Variants in KIAA1549L observed in about 807,000 individuals in gnomAD.
KIAA1549L encodes UPF0606 protein KIAA1549L.
KIAA1549L carries 88 observed loss-of-function variants against 160.7 expected under a neutral mutation model. The observed-to-expected ratio is 0.55, with a 90% CI of 0.46 to 0.65. The LOEUF is 0.65. Among genes scored for constraint, KIAA1549L ranks in the 30% least tolerant of loss-of-function variants. The pLI is 0.00. For missense variants in KIAA1549L, 2,258 were observed against 2,437.5 expected (o/e 0.93, Z 1.55); for synonymous variants, 950 against 976.7 (o/e 0.97, Z 0.51).
At chr11:33,398,597 C>T (rs1850433521) in intron 1 of KIAA1549L, among the ~76,000 whole-genome samples, 1 of 152,220 alleles carries the variant, frequency 6.6e-6, no homozygotes, top group Admixed American at 6.5e-5. Flanking sequence ...AGTCCTTCCC[C>T]ATGGATAGAG....
intron 1 of KIAA1549L, among the ~76,000 whole-genome samples, chr11:33,528,792 A>G (rs536567896): frequency 6.6e-6 from 1 of 152,302 alleles, no homozygotes; most frequent in South Asian, 2.1e-4. Context: ...GCAAAGGCAG[A>G]AGAATGATAT....
chr11:33,391,540 T>A (rs937528673), intron 1 of KIAA1549L, among the ~76,000 whole-genome samples: 1 of 152,260 alleles, frequency 6.6e-6, no homozygotes, highest in East Asian at 1.9e-4. Context: ...GCGTGTCTGG[T>A]GCTTTAACAG....
intron 1 of KIAA1549L, among the ~76,000 whole-genome samples, chr11:33,518,186 T>A (rs182947173): frequency 1.4e-5 from 2 of 145,150 alleles, no homozygotes; most frequent in Non-Finnish European, 3.0e-5. Flanking sequence ...AAGGGAAAAT[T>A]TTTTTCTTGG....
chr11:33,474,778 C>T (rs376989587), intron 1 of KIAA1549L, among the ~76,000 whole-genome samples: 12 of 152,334 alleles, frequency 7.9e-5, no homozygotes, highest in Middle Eastern at 3.4e-3. Flanking sequence ...ACCTGCCAAA[C>T]GAAATGGCTG....
At chr11:33,642,336 CG>C (rs1851608802) in intron 16 of KIAA1549L, among the ~76,000 whole-genome samples, 1 of 152,128 alleles carries the variant, frequency 6.6e-6, no homozygotes, top group African/African-American at 2.4e-5. Context: ...AATAAAGTTA[CG>C]GTGCTGCAAA....
At chr11:33,485,043 C>T (rs947123375) in intron 1 of KIAA1549L, among the ~76,000 whole-genome samples, 1 of 152,144 alleles carries the variant, frequency 6.6e-6, no homozygotes, top group Non-Finnish European at 1.5e-5. Context: ...TGCACACTGG[C>T]CAGGGGTAGA....
intron 1 of KIAA1549L, among the ~76,000 whole-genome samples, chr11:33,471,633 A>G (rs550864324): frequency 6.6e-6 from 1 of 152,320 alleles, no homozygotes; most frequent in South Asian, 2.1e-4. Flanking sequence ...CAGAGCCTTT[A>G]CCCAACAGTG....
intron 10 of KIAA1549L, 35 bp from the exon 11 acceptor site, chr11:33,583,303 C>T: frequency 6.4e-7 from 1 of 1,567,696 alleles, no homozygotes. Flanking sequence ...CCCAGTGTTG[C>T]TTGTCATGTC....
At chr11:33,514,465 TAGG>T (rs1290727598) in intron 1 of KIAA1549L, among the ~76,000 whole-genome samples, 2 of 152,192 alleles carry the variant, frequency 1.3e-5, no homozygotes, top group African/African-American at 4.8e-5. Flanking sequence ...TGTGCCAGAT[TAGG>T]AGGACTTCAT....
At chr11:33,617,446 T>C (rs10836082) in intron 15 of KIAA1549L, among the ~76,000 whole-genome samples, 41,790 of 152,052 alleles carry the variant, frequency 0.27, 6,056 homozygotes, top group Middle Eastern at 0.39. Context: ...TTTTTAGCAG[T>C]AGCTGAGTGG....
intron 1 of KIAA1549L, among the ~76,000 whole-genome samples, chr11:33,450,258 C>T (rs7131170): frequency 0.21 from 31,924 of 151,968 alleles, 3,858 homozygotes; most frequent in Middle Eastern, 0.31. Flanking sequence ...CAATCAAAGA[C>T]GTATCCGTAG....
rs928688507 is a variant in KIAA1549L, at chr11:33,543,704, C to T, written c.2141C>T (p.Ser714Phe). Reference sequence around the variant, plus strand: ...TCTCTTTCCACAGAATCAATAATATCTGGCTTGCAGCAGCAAACAAATTAT... The same window carrying T: ...TCTCTTTCCACAGAATCAATAATATTTGGCTTGCAGCAGCAAACAAATTAT... ...TGSLSTESII[S>F]GLQQQTNYDL... The change falls in exon 2 of 21, where the codon TCT (serine) becomes TTT (phenylalanine). Residue 714 changes from serine to phenylalanine, a missense_variant. Physicochemically the swap from Ser to Phe is radical, Grantham distance 155 (BLOSUM62 -2). Around this residue, in one of 6 missense-constraint regions of KIAA1549L, gnomAD observed 287 missense variants for 292.3 expected, o/e 0.98. Coordinates refer to ENST00000658780, the MANE Select transcript of KIAA1549L (RefSeq NM_012194.3). 2 of 1,614,010 alleles carry T rather than the reference C, an allele frequency of 1.2e-6. No homozygotes were observed. The highest frequency in any genetic ancestry group is 1.7e-6 in the Non-Finnish European group (2 of 1,179,900).
chr11:33,382,846 C>T (rs757094306), intron 1 of KIAA1549L, among the ~76,000 whole-genome samples: 17 of 151,994 alleles, frequency 1.1e-4, no homozygotes, highest in Non-Finnish European at 1.9e-4. Context: ...TTCCCCTGGC[C>T]CTCCTCGGGG....
intron 7 of KIAA1549L, 61 bp from the exon 8 acceptor site, chr11:33,561,614 TA>T: frequency 1.6e-6 from 2 of 1,286,970 alleles, no homozygotes; most frequent in Non-Finnish European, 2.3e-6. Context: ...TATAACTAAA[TA>T]AATGAAACGA....
intron 1 of KIAA1549L, among the ~76,000 whole-genome samples, chr11:33,426,053 A>G (rs779170748): frequency 6.6e-6 from 1 of 152,236 alleles, no homozygotes; most frequent in African/African-American, 2.4e-5. Context: ...ACTAAATGCA[A>G]TGTGGGACCC....
Position 33,660,895 on chromosome 11 carries a change from G to A in KIAA1549L, c.6040G>A (p.Ala2014Thr). Reference protein sequence around the residue: ...NTVPAVFAIPAANRPGFTGYF... With the variant: ...NTVPAVFAIPTANRPGFTGYF... ...GGTGCCAGCAGTGTTCGCCATCCCA[G>A]CTGCCAACAGACCTGGCTTCACCGG... The change falls in exon 20 of 21, where the codon GCT becomes ACT. Residue 2014 changes from alanine (A) to threonine (T), a missense_variant. Transcript: ENST00000658780. 1 of 1,613,804 alleles carries A rather than the reference G, an allele frequency of 6.2e-7. No homozygotes were observed. Among genetic ancestry groups the A allele is most frequent in the Non-Finnish European group, 8.5e-7 (1 of 1,179,834 alleles).
At chr11:33,636,606 C>T (rs751261448) in intron 16 of KIAA1549L, among the ~76,000 whole-genome samples, 21 of 152,260 alleles carry the variant, frequency 1.4e-4, no homozygotes, top group Non-Finnish European at 2.5e-4. Flanking sequence ...TCTGGGATTA[C>T]GGGCGTGAAC....
At position 33,552,180 on chromosome 11, in the gene KIAA1549L, A is replaced by G. The variant is rs550449937; in HGVS notation, c.3794A>G (p.Gln1265Arg). The part of the protein sequence containing the change: ...KFAQTMEQRL[Q>R]KAFQDAERKV... ...GCTCAGACAATGGAACAGAGGCTGC[A>G]GAAGGCATTCCAGGATGCCGAGAGG... The change falls in exon 6 of 21, where the codon CAG becomes CGG. Residue 1265 changes from glutamine (Q) to arginine (R), a missense_variant. Physicochemically the swap from Gln to Arg is conservative, Grantham distance 43. Around this residue, in one of 6 missense-constraint regions of KIAA1549L, gnomAD observed 1,359 missense variants for 1,546.6 expected, o/e 0.88. Coordinates refer to ENST00000658780, the MANE Select transcript of KIAA1549L (RefSeq NM_012194.3). The G allele has an allele frequency of 6.5e-5, 105 of 1,612,032 alleles. No individual in the cohort carries two copies. In the South Asian group the frequency reaches 8.2e-4, roughly 13 times the overall value.
intron 1 of KIAA1549L, among the ~76,000 whole-genome samples, chr11:33,537,638 C>T (rs1328048433): frequency 6.6e-6 from 1 of 152,146 alleles, no homozygotes; most frequent in Admixed American, 6.5e-5. Flanking sequence ...ACCTTCTTCC[C>T]ACTGTCCCTA....
Sources: allele counts gnomAD v4.1 joint callset (sites outside exome capture counted in the v4.1 genomes callset), GRCh38; gene constraint gnomAD v4.1.1; regional missense constraint gnomAD v4.1.1; transcripts MANE v1.5; gene names NCBI Gene and HGNC (gene_info 2026-07-23, HGNC 2026-07-21).